Variants in GPM6B observed in about 807,000 individuals in gnomAD.
GPM6B encodes the protein neuronal membrane glycoprotein M6-b.
Under a neutral mutation model 27.2 loss-of-function variants are expected in GPM6B, and 4 were observed. The observed-to-expected ratio is 0.15, with a 90% CI of 0.07 to 0.34. The LOEUF is 0.34. GPM6B is among the 10% of genes least tolerant of loss of function. The pLI is 1.00. For missense variants in GPM6B, 183 were observed against 261.9 expected, an observed-to-expected ratio of 0.70 and a Z score of 2.08; for synonymous variants, 124 against 103.1, an observed-to-expected ratio of 1.20 and a Z score of -1.23.
At chrX:13,837,707 T>TGGGG (rs2049515177) in intron 1 of GPM6B, among the ~76,000 whole-genome samples, 1 of 5,613 alleles carries the variant, frequency 1.8e-4, no homozygotes, top group Non-Finnish European at 5.6e-4. Context: ...CAAAGCAAGT[T>TGGGG]GGTGGGGGGG....
At chrX:13,887,302 A>T (rs767495703) in intron 1 of GPM6B, among the ~76,000 whole-genome samples, 149 of 112,578 alleles carry the variant, frequency 1.3e-3, no homozygotes, top group Non-Finnish European at 1.2e-3. Context: ...CTGTAGGGAC[A>T]TCTTGGGGGA....
intron 1 of GPM6B, among the ~76,000 whole-genome samples, chrX:13,920,837 G>A (rs984089016): frequency 9.2e-6 from 1 of 108,535 alleles, no homozygotes; most frequent in Non-Finnish European, 1.9e-5. Context: ...CTTGCAGTGA[G>A]CCGAGATCGC....
intron 2 of GPM6B, among the ~76,000 whole-genome samples, chrX:13,800,204 T>A (rs543733891): frequency 7.2e-5 from 8 of 111,778 alleles, no homozygotes; most frequent in African/African-American, 2.6e-4. Flanking sequence ...AGGGAGGTTT[T>A]AGGCCAGCAG....
intron 1 of GPM6B, among the ~76,000 whole-genome samples, chrX:13,935,042 A>G (rs930563712): frequency 8.9e-6 from 1 of 111,995 alleles, no homozygotes; most frequent in East Asian, 2.8e-4. Context: ...ACATATTAAA[A>G]AGAACTGCTC....
chrX:13,886,054 G>A (rs2050132123), intron 1 of GPM6B, among the ~76,000 whole-genome samples: 1 of 112,296 alleles, frequency 8.9e-6, no homozygotes, highest in Non-Finnish European at 1.9e-5. Flanking sequence ...AATATGTTAA[G>A]TTAGCAACAG....
chrX:13,811,458 T>C (rs1333856333), intron 1 of GPM6B, among the ~76,000 whole-genome samples: 1 of 112,357 alleles, frequency 8.9e-6, no homozygotes, highest in Non-Finnish European at 1.9e-5. Context: ...ATATTTGTTA[T>C]CTTTCATTTT....
intron 1 of GPM6B, among the ~76,000 whole-genome samples, chrX:13,921,305 T>A (rs1411613923): frequency 8.9e-6 from 1 of 112,221 alleles, no homozygotes; most frequent in Non-Finnish European, 1.9e-5. Flanking sequence ...TTTGCCCTAT[T>A]CCAGCCCAAA....
intron 1 of GPM6B, chrX:13,812,820 G>A (rs1236577809): frequency 9.2e-6 from 1 of 108,492 alleles, no homozygotes; most frequent in Non-Finnish European, 1.9e-5. Context: ...GCAAGGCCAA[G>A]TCTTTAAAAA....
chrX:13,827,667 G>T (rs1002815181), intron 1 of GPM6B, among the ~76,000 whole-genome samples: 3 of 112,048 alleles, frequency 2.7e-5, no homozygotes, highest in Admixed American at 1.9e-4. Context: ...AACACCTTCA[G>T]CCTGCTTTGC....
intron 1 of GPM6B, among the ~76,000 whole-genome samples, chrX:13,893,110 T>C (rs980731158): frequency 8.9e-6 from 1 of 112,059 alleles, no homozygotes; most frequent in Non-Finnish European, 1.9e-5. Flanking sequence ...ATTTGGTCCA[T>C]GGGTCATGCT....
intron 1 of GPM6B, among the ~76,000 whole-genome samples, chrX:13,865,424 C>G (rs750821350): frequency 9.5e-6 from 1 of 105,017 alleles, no homozygotes; most frequent in Non-Finnish European, 1.9e-5. Context: ...GTTTCCATTA[C>G]AATAGGCAAA....
Position 13,901,776 on chromosome X carries a change from T to C in GPM6B, c.-198+36551A>G, listed in dbSNP as rs949140136. 1.2e-4 allele frequency among the ~76,000 whole-genome samples: 13 copies of C among 111,671 alleles called. No individual in the cohort carries two copies. In the South Asian group the frequency reaches 1.5e-3, roughly 13 times the overall value. On this transcript the variant is annotated intron_variant, in intron 1 of 6. Transcript: ENST00000398361. ...ATAGGGCCCCTTCAGTAAATTCTCC[T>C]ATTGATCCCTACTCAACCTAGGACT...
chrX:13,860,121 GA>G (rs2049826455), intron 1 of GPM6B, among the ~76,000 whole-genome samples: 2 of 112,548 alleles, frequency 1.8e-5, no homozygotes, highest in South Asian at 7.3e-4. Context: ...TGAGTTGAAA[GA>G]AAAACTATCA....
chrX:13,924,998 A>G (rs1197797646), intron 1 of GPM6B, among the ~76,000 whole-genome samples: 1 of 112,400 alleles, frequency 8.9e-6, no homozygotes, highest in Non-Finnish European at 1.9e-5. Flanking sequence ...AAAATATAGC[A>G]CAAGCAAGCA....
intron 1 of GPM6B, among the ~76,000 whole-genome samples, chrX:13,808,390 C>A (rs1041867312): frequency 9.8e-5 from 11 of 112,231 alleles, no homozygotes; most frequent in Admixed American, 2.8e-4. Context: ...GTCTTGGGCT[C>A]GAACCACTGC....
chrX:13,889,468 G>A (rs1345832333), intron 1 of GPM6B: 1 of 111,703 alleles, frequency 9.0e-6, no homozygotes, highest in Non-Finnish European at 1.9e-5. Flanking sequence ...GAAGCTGACA[G>A]TTTAGTGGGG....
intron 1 of GPM6B, among the ~76,000 whole-genome samples, chrX:13,845,301 T>C (rs1025009898): frequency 2.8e-5 from 3 of 108,339 alleles, no homozygotes; most frequent in Admixed American, 2.0e-4. Context: ...GAATGTTTTC[T>C]TTTCTATAGT....
At chrX:13,865,707 A>C (rs927419145) in intron 1 of GPM6B, among the ~76,000 whole-genome samples, 1 of 107,806 alleles carries the variant, frequency 9.3e-6, no homozygotes, top group Non-Finnish European at 1.9e-5. Context: ...CAGTGAGCTG[A>C]GATTGTACCA....
At chrX:13,863,351 T>A (rs1160274481) in intron 1 of GPM6B, among the ~76,000 whole-genome samples, 1 of 111,516 alleles carries the variant, frequency 9.0e-6, no homozygotes, top group African/African-American at 3.3e-5. Flanking sequence ...TGCATTTCAG[T>A]CACTTGGGTC....
Sources: gnomAD v4.1 joint callset for allele counts (sites outside exome capture counted in the v4.1 genomes callset) on GRCh38, gnomAD v4.1.1 for gene constraint, MANE v1.5 for transcripts, NCBI Gene and HGNC (gene_info 2026-07-23, HGNC 2026-07-21) for gene names.